Variants in SIPA1L1 observed in about 807,000 individuals in gnomAD.
The protein encoded by SIPA1L1 is signal induced proliferation associated 1 like 1.
Under a neutral mutation model 162.7 loss-of-function variants are expected in SIPA1L1, and 26 were observed. That is an observed-to-expected ratio of 0.16 (90% CI 0.12 to 0.22). The LOEUF (loss-of-function observed/expected upper bound fraction) is 0.22, where lower values mean the gene tolerates loss of function less well. Among genes scored for constraint, SIPA1L1 ranks in the 10% least tolerant of loss-of-function variants. The probability of loss-of-function intolerance (pLI) is 1.00; values close to 1 mark genes in which losing one functional copy is unlikely to be tolerated. For missense variants in SIPA1L1, 1,874 were observed against 2,241.0 expected, an observed-to-expected ratio of 0.84 and a Z score of 3.31; for synonymous variants, 829 against 837.4, an observed-to-expected ratio of 0.99 and a Z score of 0.17.
chr14:71,641,250 G>GA (rs2041680195), intron 7 of SIPA1L1, among the ~76,000 whole-genome samples: 3 of 147,488 alleles, frequency 2.0e-5, no homozygotes, highest in Non-Finnish European at 4.5e-5. Context: ...ATAAAAACAA[G>GA]GAGTTCTGTC....
At chr14:71,594,282 T>A (rs1326887693) in intron 5 of SIPA1L1, among the ~76,000 whole-genome samples, 1 of 152,220 alleles carries the variant, frequency 6.6e-6, no homozygotes, top group Non-Finnish European at 1.5e-5. Flanking sequence ...TCAAGAGCTG[T>A]TTTTCAAGTT....
intron 23 of SIPA1L1, 26 bp downstream of exon 23, chr14:71,738,351 T>G (rs1477826853): frequency 6.6e-7 from 1 of 1,514,090 alleles, no homozygotes; most frequent in African/African-American, 1.4e-5. Flanking sequence ...CAAAGCAAAT[T>G]GTCCAGTCTG....
At chr14:71,593,843 G>A (rs572636818) in intron 5 of SIPA1L1, among the ~76,000 whole-genome samples, 9 of 152,160 alleles carry the variant, frequency 5.9e-5, no homozygotes, top group Non-Finnish European at 1.2e-4. Context: ...TTCATGGTAG[G>A]TGGAGTGTTA....
chr14:71,539,371 A>T (rs1223084092), intron 4 of SIPA1L1, among the ~76,000 whole-genome samples: 2 of 152,176 alleles, frequency 1.3e-5, no homozygotes, highest in Non-Finnish European at 2.9e-5. Flanking sequence ...TTTTGACAAT[A>T]CTGTTTCCAG....
At chr14:71,430,102 T>C (rs1475360195) in intron 2 of SIPA1L1, among the ~76,000 whole-genome samples, 2 of 152,160 alleles carry the variant, frequency 1.3e-5, no homozygotes, top group Non-Finnish European at 2.9e-5. Flanking sequence ...ATATTCAGCA[T>C]CACACCTACC....
At chr14:71,631,771 T>G (rs2040596198) in intron 7 of SIPA1L1, among the ~76,000 whole-genome samples, 1 of 152,240 alleles carries the variant, frequency 6.6e-6, no homozygotes, top group Admixed American at 6.5e-5. Context: ...AACAGTTGGA[T>G]TTTTGTTAGT....
intron 2 of SIPA1L1, among the ~76,000 whole-genome samples, chr14:71,421,368 G>A (rs2043176404): frequency 6.6e-6 from 1 of 152,164 alleles, no homozygotes; most frequent in African/African-American, 2.4e-5. Context: ...TGAGGCAGGA[G>A]GATTGCTTGA....
intron 2 of SIPA1L1, among the ~76,000 whole-genome samples, chr14:71,403,259 T>C (rs2041805036): frequency 6.6e-6 from 1 of 152,162 alleles, no homozygotes; most frequent in South Asian, 2.1e-4. Context: ...ACAGTGTACC[T>C]ATTAGTTATT....
chr14:71,330,632 A>G (rs917364165), intron 2 of SIPA1L1: 14 of 906,756 alleles, frequency 1.5e-5, no homozygotes, highest in Non-Finnish European at 2.4e-5. Context: ...TGGGGCGGAA[A>G]CTGGGTCAAC....
intron 10 of SIPA1L1, among the ~76,000 whole-genome samples, chr14:71,667,100 A>AT (rs2044087287): frequency 1.3e-5 from 2 of 152,112 alleles, no homozygotes; most frequent in Admixed American, 1.3e-4. Context: ...AGCTTACTGC[A>AT]TGGGGGCTTC....
chr14:71,733,593 C>G, intron 20 of SIPA1L1, 73 bp from the exon 21 acceptor site: 7 of 1,457,958 alleles, frequency 4.8e-6, no homozygotes, highest in Non-Finnish European at 6.6e-6. Context: ...ATTGTGGTAA[C>G]AGGAAAGAGG....
At chr14:71,513,979 C>T (rs1034895950) in intron 3 of SIPA1L1, among the ~76,000 whole-genome samples, 3 of 152,072 alleles carry the variant, frequency 2.0e-5, no homozygotes, top group African/African-American at 7.2e-5. Flanking sequence ...GCGGCGAATC[C>T]GTACGGGTCT....
intron 11 of SIPA1L1, among the ~76,000 whole-genome samples, chr14:71,671,920 TG>T (rs1184723681): frequency 9.9e-5 from 15 of 151,808 alleles, no homozygotes; most frequent in African/African-American, 3.6e-4. Flanking sequence ...TGTGTGTGTG[TG>T]TGTGTGTGTG....
intron 7 of SIPA1L1, among the ~76,000 whole-genome samples, chr14:71,648,311 T>C (rs746727759): frequency 9.2e-5 from 14 of 152,094 alleles, no homozygotes; most frequent in Non-Finnish European, 1.8e-4. Flanking sequence ...TATATATATA[T>C]ATCCAGGAAC....
intron 2 of SIPA1L1, among the ~76,000 whole-genome samples, chr14:71,454,389 G>C (rs1321400522): frequency 6.6e-6 from 1 of 152,168 alleles, no homozygotes; most frequent in African/African-American, 2.4e-5. Flanking sequence ...TATAAAAGTG[G>C]ATTGGCAGTT....
intron 2 of SIPA1L1, among the ~76,000 whole-genome samples, chr14:71,375,965 T>G (rs1184804079): frequency 2.0e-5 from 3 of 152,202 alleles, no homozygotes; most frequent in Non-Finnish European, 4.4e-5. Flanking sequence ...TTTAATTTGC[T>G]AAAATTTTGT....
At chr14:71,616,326 T>G (rs1472018188) in intron 5 of SIPA1L1, among the ~76,000 whole-genome samples, 1 of 152,176 alleles carries the variant, frequency 6.6e-6, no homozygotes, top group Admixed American at 6.5e-5. Flanking sequence ...GAGAAAGTCA[T>G]TGGTGACCCA....
At chr14:71,388,755 C>G (rs1266499402) in intron 2 of SIPA1L1, among the ~76,000 whole-genome samples, 1 of 152,216 alleles carries the variant, frequency 6.6e-6, no homozygotes, top group Non-Finnish European at 1.5e-5. Context: ...TCAGAATCAT[C>G]TGTGGAGCTT....
At position 71,392,943 on chromosome 14, in the gene SIPA1L1, A is replaced by C. The variant is rs542667305; in HGVS notation, c.-465+71762A>C. 2.0e-5 allele frequency among the ~76,000 whole-genome samples: 3 copies of C among 152,392 alleles called. No individual in the cohort carries two copies. The South Asian group carries it at 6.2e-4, about 32-fold the overall frequency. ...AATAAATGGCCCATTCTGGGCATTC[A>C]GTAATTTTTCAATGAATGAGTATAA... On this transcript the variant is annotated intron_variant, in intron 2 of 23. Transcript: ENST00000381232.
Sources: gnomAD v4.1 joint callset for allele counts (sites outside exome capture counted in the v4.1 genomes callset) on GRCh38, gnomAD v4.1.1 for gene constraint, MANE v1.5 for transcripts, NCBI Gene and HGNC (gene_info 2026-07-23, HGNC 2026-07-21) for gene names.